NCKAP5L: variants seen among roughly 807,000 people sequenced by gnomAD.
NCKAP5L encodes the protein NCK associated protein 5 like.
NCKAP5L carries 54 observed loss-of-function variants against 103.2 expected under a neutral mutation model. The observed-to-expected ratio is 0.52, with a 90% CI of 0.42 to 0.66. The LOEUF (loss-of-function observed/expected upper bound fraction) is 0.66. Ranked by LOEUF, NCKAP5L falls within the 30% of genes least tolerant of loss-of-function variation. NCKAP5L has a pLI of 0.00. For missense variants in NCKAP5L, 1,733 were observed against 1,750.6 expected, an observed-to-expected ratio of 0.99 and a Z score of 0.18; for synonymous variants, 762 against 748.6, an observed-to-expected ratio of 1.02 and a Z score of -0.29.
Position 49,804,075 on chromosome 12 carries a change from G to C in NCKAP5L, c.-31C>G, listed in dbSNP as rs372068669. The C allele has an allele frequency of 1.9e-6, 3 of 1,604,398 alleles. No homozygotes were observed. Among genetic ancestry groups the C allele is most frequent in the African/African-American group, 1.3e-5 (1 of 74,896 alleles). On this transcript the variant is annotated 5_prime_UTR_variant, in exon 3 of 13. Transcript: ENST00000335999. ...CCTGGGAACAAGGAAGAGAAGCCCCGGCAGGCTACTCCAGGGAATGAGGAG... is the reference window on the plus strand; with the variant it reads ...CCTGGGAACAAGGAAGAGAAGCCCCCGCAGGCTACTCCAGGGAATGAGGAG...
chr12:49,792,931 T>C lies in NCKAP5L; in HGVS notation c.3396A>G (p.Pro1132=). 1.3e-6 allele frequency: 2 copies of C among 1,541,848 alleles called. No individual in the cohort carries two copies. The highest frequency in any genetic ancestry group is 1.7e-6 in the Non-Finnish European group (2 of 1,151,920). Residue 1132 remains proline, a synonymous_variant, in exon 11 of 13, where the codon CCA becomes CCG. Coordinates refer to ENST00000335999, the MANE Select transcript of NCKAP5L (RefSeq NM_001037806.4). This position sits in a 1 kb window ranked among gnomAD's most constrained non-coding sequence, Gnocchi z 4.5. The part of the protein sequence containing the change: ...LDSGIGTFPP[P]DHGSSGTPSK... ...TGGGGGTCCCACTGCTACCATGGTC[T>C]GGGGGTGGGAAGGTCCCAATGCCAC...
intron 7 of NCKAP5L, 136 bp downstream of exon 7, chr12:49,798,214 G>C: frequency 1.3e-6 from 1 of 791,802 alleles, no homozygotes; most frequent in Non-Finnish European, 2.2e-6. Context: ...CTAGGATTGG[G>C]GATCTGCTTT....
chr12:49,823,429 C>T (rs550034367), intron 1 of NCKAP5L, among the ~76,000 whole-genome samples: 1 of 152,134 alleles, frequency 6.6e-6, no homozygotes, highest in Admixed American at 6.5e-5. Flanking sequence ...CAGAGCCACA[C>T]TACGGGAGTT....
intron 1 of NCKAP5L, among the ~76,000 whole-genome samples, chr12:49,807,797 T>A (rs1370756518): frequency 6.6e-6 from 1 of 152,138 alleles, no homozygotes; most frequent in Non-Finnish European, 1.5e-5. Flanking sequence ...AACCTGCCCA[T>A]CGGTCCCCAG....
chr12:49,793,842 G>A lies in NCKAP5L; in HGVS notation c.3150C>T (p.Tyr1050=), dbSNP rs1220525691. ...CAGAAGACACCGGCTGGAAATCCCC[G>A]TACTCAGGCTTGGGCTCCCGCCAGC... is the stretch of plus-strand genomic sequence containing the variant. ...SKSWREPKPE[Y]GDFQPVSSDP... Residue 1050 remains tyrosine (Y), a synonymous_variant, in exon 9 of 13, where the codon TAC becomes TAT. Coordinates refer to ENST00000335999, the MANE Select transcript of NCKAP5L (RefSeq NM_001037806.4). 20 of 1,583,484 alleles carry A rather than the reference G, an allele frequency of 1.3e-5. No homozygotes were observed. The highest frequency in any genetic ancestry group is 4.6e-5 in the South Asian group (4 of 86,348).
intron 10 of NCKAP5L, 98 bp from the exon 11 acceptor site, chr12:49,793,084 AGGGCCCCTCCT>A (rs1163811939): frequency 1.2e-5 from 13 of 1,050,018 alleles, no homozygotes; most frequent in Admixed American, 5.8e-5. Context: ...ACCCTTACTC[AGGGCCCCTCCT>A]GGCCCAACAG....
chr12:49,793,397 AG>A lies in NCKAP5L; in HGVS notation c.3294del (p.Ser1099ArgfsTer20). 1 of 1,609,004 alleles carries A rather than the reference AG, an allele frequency of 6.2e-7. No individual in the cohort carries two copies. On this transcript the variant is annotated frameshift_variant, in exon 10 of 13. Transcript: ENST00000335999. LOFTEE classifies it high-confidence loss of function. ...SSEPGRREEM[P>X]SEDSLAEPVP... ...ACTGGCTCGGCCAGGCTGTCCTCCG[AG>A]GGCATCTCTTCCCGCCTCCCTGGCT...
rs930955582 is a variant in NCKAP5L at position 49,797,699 on chromosome 12, C to T, written c.466-305G>A. Among the ~76,000 whole-genome samples, 1 of 152,180 alleles carries T rather than the reference C, an allele frequency of 6.6e-6. No individual in the cohort carries two copies. The highest frequency in any genetic ancestry group is 1.9e-4 in the East Asian group (1 of 5,200). On this transcript the variant is annotated intron_variant, in intron 7 of 12. Coordinates refer to ENST00000335999, the MANE Select transcript of NCKAP5L (RefSeq NM_001037806.4). This position sits in a 1 kb window ranked among gnomAD's most constrained non-coding sequence, Gnocchi z 4.5. ...CCATTTGGATTAGCAGGGCTGACCA[C>T]CTAAAACTCTGACCTCTGTGTTTGT...
In NCKAP5L at chr12:49,795,823, C is replaced by T; in HGVS notation, c.2037G>A (p.Leu679=). Residue 679 remains leucine, a synonymous_variant, in exon 8 of 13, where the codon CTG becomes CTA. Coordinates refer to ENST00000335999, the MANE Select transcript of NCKAP5L (RefSeq NM_001037806.4). ...CTGGCACCCCATTCTTCTCTGAGCC[C>T]AGGGCCCCCTCGGGGCCTGTCTTCA... ...GKLKTGPEGA[L]GSEKNGVPAR... 1 of 1,568,300 alleles carries T rather than the reference C, an allele frequency of 6.4e-7. No individual in the cohort carries two copies. Among genetic ancestry groups the T allele is most frequent in the Non-Finnish European group, 8.6e-7 (1 of 1,157,606 alleles).
Position 49,796,668 on chromosome 12 carries a change from C to G in NCKAP5L, c.1192G>C (p.Glu398Gln). 1 of 1,582,558 alleles carries G rather than the reference C, an allele frequency of 6.3e-7. No individual in the cohort carries two copies. The highest frequency in any genetic ancestry group is 8.6e-7 in the Non-Finnish European group (1 of 1,165,748). Residue 398 changes from glutamate (E) to glutamine (Q), a missense_variant, in exon 8 of 13, where the codon GAG becomes CAG. Physicochemically the swap from Glu to Gln is conservative, Grantham distance 29. Transcript: ENST00000335999. ...AGGAAGGGGAGGGGCCCCTGGCCCT[C>G]TGAGGTAGCACCGAAGCCTGGCCTG... Reference protein sequence around the residue: ...AHRPGFGATSEGQGPLPFLSM... With the variant: ...AHRPGFGATSQGQGPLPFLSM...
intron 6 of NCKAP5L, 114 bp downstream of exon 6, chr12:49,801,734 T>C: frequency 7.6e-7 from 1 of 1,317,232 alleles, no homozygotes; most frequent in Non-Finnish European, 1.0e-6. Context: ...GAATGGAAGG[T>C]GGACAGCTGA....
At chr12:49,816,495 C>CAA (rs1163941989) in intron 1 of NCKAP5L, among the ~76,000 whole-genome samples, 2,632 of 49,006 alleles carry the variant, frequency 0.054, 163 homozygotes, top group African/African-American at 0.094. Context: ...TCAACCCTCT[C>CAA]AAAAAAAAAA....
At chr12:49,819,498 A>G (rs537662723) in intron 1 of NCKAP5L, among the ~76,000 whole-genome samples, 9 of 152,320 alleles carry the variant, frequency 5.9e-5, no homozygotes, top group Admixed American at 5.9e-4. Flanking sequence ...TTCAGTCCTA[A>G]AAAAGGAGGA....
chr12:49,796,539 G>C lies in NCKAP5L; in HGVS notation c.1321C>G (p.Pro441Ala), dbSNP rs755552014. Reference sequence around the variant, plus strand: ...AGAAGGGGTCCCTGAGCTTCCCCAGGAGAAGGGGGGCCAATTTGGAGCTTG... The same window carrying C: ...AGAAGGGGTCCCTGAGCTTCCCCAGCAGAAGGGGGGCCAATTTGGAGCTTG... Reference protein sequence around the residue: ...KSKLQIGPPSPGEAQGPLLPS... With the variant: ...KSKLQIGPPSAGEAQGPLLPS... Residue 441 changes from proline to alanine, a missense_variant, in exon 8 of 13, where the codon CCT becomes GCT. Coordinates refer to ENST00000335999, the MANE Select transcript of NCKAP5L (RefSeq NM_001037806.4). 46 of 1,584,354 alleles carry C rather than the reference G, an allele frequency of 2.9e-5. No homozygotes were observed. The highest frequency in any genetic ancestry group is 3.9e-5 in the Non-Finnish European group (46 of 1,167,526).
At chr12:49,811,623 T>C (rs1334405824) in intron 1 of NCKAP5L, among the ~76,000 whole-genome samples, 1 of 151,536 alleles carries the variant, frequency 6.6e-6, no homozygotes, top group African/African-American at 2.4e-5. Flanking sequence ...AAAAACAATC[T>C]TCTCGTTGGG....
At chr12:49,818,143 A>C (rs1282092813) in intron 1 of NCKAP5L, among the ~76,000 whole-genome samples, 2 of 151,968 alleles carry the variant, frequency 1.3e-5, no homozygotes, top group African/African-American at 4.8e-5. Context: ...GAAAAAAAAA[A>C]AAACAAAAAA....
chr12:49,817,173 T>C (rs1243346085), intron 1 of NCKAP5L, among the ~76,000 whole-genome samples: 1 of 152,152 alleles, frequency 6.6e-6, no homozygotes, highest in Non-Finnish European at 1.5e-5. Context: ...TGGAAAGATG[T>C]CCCATGTTCA....
At chr12:49,793,487 C>T in intron 9 of NCKAP5L, 54 bp from the exon 10 acceptor site, 1 of 1,552,714 alleles carries the variant, frequency 6.4e-7, no homozygotes, top group Non-Finnish European at 8.8e-7. Context: ...CCACACCCCT[C>T]CCCATGCCTC....
At chr12:49,798,293 C>T in intron 7 of NCKAP5L, 57 bp downstream of exon 7, 25 of 1,433,790 alleles carry the variant, frequency 1.7e-5, no homozygotes, top group Non-Finnish European at 2.3e-5. Context: ...AGCCCTTCTC[C>T]AGATATTTGC....
Sources: gnomAD v4.1 joint callset for allele counts (sites outside exome capture counted in the v4.1 genomes callset) on GRCh38, gnomAD v4.1.1 for gene constraint, Gnocchi (gnomAD v3.1) non-coding constraint, MANE v1.5 for transcripts, NCBI Gene and HGNC (gene_info 2026-07-23, HGNC 2026-07-21) for gene names.